Variants in KAZN observed in about 807,000 individuals in gnomAD.
KAZN encodes the protein kazrin.
KAZN carries 40 observed loss-of-function variants against 87.4 expected under a neutral mutation model. That is an observed-to-expected ratio of 0.46 (90% confidence interval 0.36 to 0.60). The LOEUF (loss-of-function observed/expected upper bound fraction) is 0.60, where lower values mean the gene tolerates loss of function less well. Ranked by LOEUF, KAZN falls within the 20% of genes least tolerant of loss-of-function variation. The pLI, the probability that KAZN is intolerant of heterozygous loss-of-function variation, is 0.00. For synonymous variants in KAZN, 466 were observed against 458.3 expected, an observed-to-expected ratio of 1.02 and a Z score of -0.22; for missense variants, 898 against 1,073.9, an observed-to-expected ratio of 0.84 and a Z score of 2.29.
At chr1:14,458,403 G>A (rs1039813161) in intron 2 of KAZN, among the ~76,000 whole-genome samples, 2 of 152,034 alleles carry the variant, frequency 1.3e-5, no homozygotes, top group Admixed American at 6.5e-5. Context: ...GAAAGTAATC[G>A]CAGTTTTATT....
At chr1:14,186,365 A>G (rs1646306978) in intron 2 of KAZN, among the ~76,000 whole-genome samples, 1 of 152,202 alleles carries the variant, frequency 6.6e-6, no homozygotes, top group East Asian at 1.9e-4. Flanking sequence ...AACAGAGACC[A>G]GCTCTGATAA....
At chr1:14,653,060 A>C (rs1638554842) in intron 1 of KAZN, among the ~76,000 whole-genome samples, 1 of 152,202 alleles carries the variant, frequency 6.6e-6, no homozygotes, top group Non-Finnish European at 1.5e-5. Context: ...ACCGTCTTGC[A>C]GGGGAAGTGG....
At chr1:14,494,351 G>T (rs1169017169) in intron 2 of KAZN, among the ~76,000 whole-genome samples, 1 of 152,174 alleles carries the variant, frequency 6.6e-6, no homozygotes, top group East Asian at 1.9e-4. Flanking sequence ...GGAGTGGGTA[G>T]GTAGAGGTTG....
intron 1 of KAZN, among the ~76,000 whole-genome samples, chr1:13,901,004 G>T (rs944598211): frequency 6.7e-6 from 1 of 150,138 alleles, no homozygotes; most frequent in Non-Finnish European, 1.5e-5. Flanking sequence ...TTCCTGACAA[G>T]TAAAAAAGTT....
In KAZN at chr1:14,820,552, A is replaced by G. The variant is rs149832632; in HGVS notation, c.227-140132A>G. On this transcript the variant is annotated intron_variant, in intron 1 of 14. Transcript: ENST00000376030. The surrounding 1 kb of genome is among the most constrained non-coding windows in gnomAD (Gnocchi z 4.1). Reference sequence around the variant, plus strand: ...AGCTGGAGCGTGCAGAACAAACTGCATGGAATGTCACGTGGGGTTTTCCAC... The same window carrying G: ...AGCTGGAGCGTGCAGAACAAACTGCGTGGAATGTCACGTGGGGTTTTCCAC... Among the ~76,000 whole-genome samples the G allele has an allele frequency of 3.7e-3, 562 of 152,358 alleles. 5 individuals carry two copies. The highest frequency in any genetic ancestry group is 0.013 in the African/African-American group (540 of 41,584).
At chr1:14,519,460 C>T (rs186262363) in intron 2 of KAZN, among the ~76,000 whole-genome samples, 49 of 152,244 alleles carry the variant, frequency 3.2e-4, no homozygotes, top group East Asian at 7.8e-4. Context: ...GGGTGCTGAG[C>T]GGCAGATACT....
intron 2 of KAZN, among the ~76,000 whole-genome samples, chr1:14,481,701 C>T (rs1370823724): frequency 6.6e-6 from 1 of 151,284 alleles, no homozygotes; most frequent in Non-Finnish European, 1.5e-5. Flanking sequence ...AAAATCTCAA[C>T]TTGGAAAACT....
intron 2 of KAZN, among the ~76,000 whole-genome samples, chr1:14,387,709 C>G (rs1463418114): frequency 1.3e-5 from 2 of 151,022 alleles, no homozygotes; most frequent in Non-Finnish European, 3.0e-5. Context: ...AACCACTGCT[C>G]TCTTCAAAGC....
intron 2 of KAZN, among the ~76,000 whole-genome samples, chr1:14,420,316 C>A (rs1571602450): frequency 6.6e-6 from 1 of 152,188 alleles, no homozygotes; most frequent in Non-Finnish European, 1.5e-5. Flanking sequence ...AGTGCACCCA[C>A]AAACCTTGAG....
intron 1 of KAZN, among the ~76,000 whole-genome samples, chr1:14,127,056 A>G (rs1174334047): frequency 6.6e-6 from 1 of 152,130 alleles, no homozygotes; most frequent in Admixed American, 6.5e-5. Flanking sequence ...CAGTGAGCCA[A>G]GCTCACACCA....
intron 1 of KAZN, among the ~76,000 whole-genome samples, chr1:14,066,572 C>T (rs1252073762): frequency 1.3e-5 from 2 of 152,106 alleles, no homozygotes; most frequent in Non-Finnish European, 2.9e-5. Context: ...GCTTTTGGTC[C>T]CTTAACTACC....
chr1:14,184,659 C>A lies in KAZN; in HGVS notation c.249+4067C>A, dbSNP rs548641787. 2.6e-3 allele frequency among the ~76,000 whole-genome samples: 403 copies of A among 152,280 alleles called. 1 individual carries two copies. Among genetic ancestry groups the A allele is most frequent in the Non-Finnish European group, 4.9e-3 (333 of 68,022 alleles). On this transcript the variant is annotated intron_variant, in intron 2 of 16. Coordinates refer to the KAZN transcript ENST00000636203. The surrounding 1 kb of genome is among the most constrained non-coding windows in gnomAD (Gnocchi z 4.2). ...TAGCAAACTCTTCTAGATGATTGTG[C>A]TTTCCAATTGGTTTCTGGCAAAACT...
chr1:14,426,793 G>A (rs150009982), intron 2 of KAZN, among the ~76,000 whole-genome samples: 1 of 152,238 alleles, frequency 6.6e-6, no homozygotes, highest in African/African-American at 2.4e-5. Flanking sequence ...CAGGGAGTCA[G>A]CCCCTTCTCT....
chr1:14,225,864 A>G (rs1201238803), intron 2 of KAZN, among the ~76,000 whole-genome samples: 1 of 152,172 alleles, frequency 6.6e-6, no homozygotes, highest in Non-Finnish European at 1.5e-5. Flanking sequence ...TTAACTCAAG[A>G]TGGATTAAGG....
intron 2 of KAZN, among the ~76,000 whole-genome samples, chr1:14,968,280 G>C (rs1425117143): frequency 6.6e-6 from 1 of 152,114 alleles, no homozygotes; most frequent in Non-Finnish European, 1.5e-5. Flanking sequence ...GCTCCTATGA[G>C]AGTCTAATGC....
At chr1:13,959,070 G>A (rs1641656602) in intron 1 of KAZN, among the ~76,000 whole-genome samples, 1 of 152,180 alleles carries the variant, frequency 6.6e-6, no homozygotes, top group African/African-American at 2.4e-5. Context: ...CTCAACCCCT[G>A]ATTCCACCAT....
At chr1:14,772,615 C>T (rs1271666498) in intron 1 of KAZN, among the ~76,000 whole-genome samples, 1 of 152,084 alleles carries the variant, frequency 6.6e-6, no homozygotes, top group Non-Finnish European at 1.5e-5. Flanking sequence ...CAGAGGATCA[C>T]AGCACCCTTG....
rs137943552 is a variant in KAZN at position 14,098,352 on chromosome 1, T to C, written c.92-82083T>C. 6.4e-4 allele frequency among the ~76,000 whole-genome samples: 97 copies of C among 152,292 alleles called. No individual in the cohort carries two copies. The East Asian group carries it at 0.016, about 25-fold the overall frequency. On this transcript the variant is annotated intron_variant, in intron 1 of 16. Transcript: ENST00000636203. ...AACAAAGCAGGGTTTTTTTGCCCTA[T>C]GGTCAAGTAGATGATTAAATGGGTT... is the stretch of plus-strand genomic sequence containing the variant.
At chr1:14,894,616 G>A (rs1390192609) in intron 1 of KAZN, among the ~76,000 whole-genome samples, 1 of 152,210 alleles carries the variant, frequency 6.6e-6, no homozygotes, top group African/African-American at 2.4e-5. Context: ...GTCTGAGTTA[G>A]GGTCACTTAA....
Sources: allele counts gnomAD v4.1 joint callset (sites outside exome capture counted in the v4.1 genomes callset), GRCh38; gene constraint gnomAD v4.1.1; non-coding constraint Gnocchi (gnomAD v3.1); transcripts MANE v1.5; gene names NCBI Gene and HGNC (gene_info 2026-07-23, HGNC 2026-07-21).